The following BTRC variants were observed in gnomAD, a reference collection of about 807,000 sequenced individuals.
The protein encoded by BTRC is beta-transducin repeat containing E3 ubiquitin protein ligase, also known as F-box/WD repeat-containing protein 1A.
Under a neutral mutation model 85.5 loss-of-function variants are expected in BTRC, and 42 were observed. The observed-to-expected ratio is 0.49, with a 90% CI of 0.38 to 0.64. The LOEUF (loss-of-function observed/expected upper bound fraction) is 0.64. BTRC is among the 30% of genes least tolerant of loss of function. BTRC has a pLI of 0.00. For missense variants in BTRC, 594 were observed against 743.5 expected, an observed-to-expected ratio of 0.80 and a Z score of 2.34; for synonymous variants, 255 against 263.3, an observed-to-expected ratio of 0.97 and a Z score of 0.30.
At chr10:101,510,240 G>A (rs186246624) in intron 4 of BTRC, among the ~76,000 whole-genome samples, 5 of 152,188 alleles carry the variant, frequency 3.3e-5, no homozygotes, top group Non-Finnish European at 7.3e-5. Context: ...CGGGTGCAGT[G>A]GCTCACGCCT....
intron 1 of BTRC, among the ~76,000 whole-genome samples, chr10:101,417,249 G>T (rs534361315): frequency 6.6e-6 from 1 of 152,200 alleles, no homozygotes; most frequent in South Asian, 2.1e-4. Flanking sequence ...TCTAGTTCAG[G>T]ATCACATGAT....
chr10:101,424,837 G>A (rs1315085412), intron 1 of BTRC, among the ~76,000 whole-genome samples: 1 of 152,152 alleles, frequency 6.6e-6, no homozygotes, highest in Non-Finnish European at 1.5e-5. Flanking sequence ...TGGGGTATAT[G>A]TGCAGGTTTG....
intron 1 of BTRC, among the ~76,000 whole-genome samples, chr10:101,428,983 A>G (rs972842279): frequency 6.6e-6 from 1 of 152,146 alleles, no homozygotes; most frequent in African/African-American, 2.4e-5. Context: ...CCATTTATCA[A>G]TTTTAGATGG....
intron 13 of BTRC, among the ~76,000 whole-genome samples, chr10:101,541,731 A>C (rs1021688278): frequency 6.6e-6 from 1 of 152,178 alleles, no homozygotes; most frequent in African/African-American, 2.4e-5. Flanking sequence ...GGTATATTAC[A>C]TTGAATTTTT....
At chr10:101,475,561 A>C (rs1034144060) in intron 3 of BTRC, among the ~76,000 whole-genome samples, 5 of 151,910 alleles carry the variant, frequency 3.3e-5, no homozygotes, top group Non-Finnish European at 5.9e-5. Flanking sequence ...AAAAACAAAA[A>C]CAGAACTGAC....
chr10:101,357,175 GC>G (rs1190466490), intron 1 of BTRC, among the ~76,000 whole-genome samples: 1 of 151,006 alleles, frequency 6.6e-6, no homozygotes, highest in Admixed American at 6.6e-5. Flanking sequence ...AGGCGTGGTG[GC>G]TCATGCCTGT....
intron 1 of BTRC, among the ~76,000 whole-genome samples, chr10:101,377,322 G>C (rs1942816598): frequency 6.6e-6 from 1 of 152,170 alleles, no homozygotes; most frequent in South Asian, 2.1e-4. Flanking sequence ...GTTGTTTCTG[G>C]TTTTGGTGAT....
intron 13 of BTRC, among the ~76,000 whole-genome samples, chr10:101,540,719 A>G (rs1432742463): frequency 2.0e-5 from 3 of 152,012 alleles, no homozygotes; most frequent in African/African-American, 7.2e-5. Flanking sequence ...CTGGTCTCAA[A>G]CTCCTGGCCT....
chr10:101,550,551 G>C, intron 13 of BTRC, 148 bp from the exon 14 acceptor site: 1 of 700,284 alleles, frequency 1.4e-6, no homozygotes, highest in South Asian at 2.1e-5. Flanking sequence ...CAAAGTGCTG[G>C]GATTACAGGT....
chr10:101,552,325 GCA>G (rs1253795249), intron 14 of BTRC, among the ~76,000 whole-genome samples: 1 of 150,146 alleles, frequency 6.7e-6, no homozygotes, highest in African/African-American at 2.4e-5. Flanking sequence ...AGTACCGCGG[GCA>G]CACAACACCA....
chr10:101,518,256 G>A (rs886502421), intron 4 of BTRC, among the ~76,000 whole-genome samples: 2 of 152,268 alleles, frequency 1.3e-5, no homozygotes, highest in East Asian at 3.9e-4. Flanking sequence ...GTCCCATATA[G>A]TTTTAAAGGA....
intron 13 of BTRC, among the ~76,000 whole-genome samples, chr10:101,548,911 G>T (rs947684530): frequency 6.7e-6 from 1 of 150,060 alleles, no homozygotes; most frequent in Non-Finnish European, 1.5e-5. Context: ...AAATTAGCTG[G>T]GTGTGGTGGC....
At chr10:101,404,263 C>T (rs1389359669) in intron 1 of BTRC, among the ~76,000 whole-genome samples, 1 of 150,140 alleles carries the variant, frequency 6.7e-6, no homozygotes, top group Non-Finnish European at 1.5e-5. Context: ...ATCTCCTGAC[C>T]TTATGATCCG....
At chr10:101,427,018 T>C (rs1944268996) in intron 1 of BTRC, among the ~76,000 whole-genome samples, 1 of 151,734 alleles carries the variant, frequency 6.6e-6, no homozygotes, top group African/African-American at 2.4e-5. Flanking sequence ...AGATTCAATC[T>C]TTCCTTCCGA....
At chr10:101,473,294 G>T (rs1456389965) in intron 3 of BTRC, among the ~76,000 whole-genome samples, 5 of 144,740 alleles carry the variant, frequency 3.5e-5, no homozygotes, top group Non-Finnish European at 6.1e-5. Context: ...TAAATTTTTT[G>T]ATTTTTTTGA....
At chr10:101,481,282 G>A (rs904947988) in intron 4 of BTRC, among the ~76,000 whole-genome samples, 23 of 152,118 alleles carry the variant, frequency 1.5e-4, no homozygotes, top group Admixed American at 1.5e-3. Flanking sequence ...CATGGAAACA[G>A]GGATACACAG....
At chr10:101,526,387 C>T (rs1428110000) in intron 6 of BTRC, among the ~76,000 whole-genome samples, 188 bp downstream of exon 6, 1 of 152,182 alleles carries the variant, frequency 6.6e-6, no homozygotes, top group Non-Finnish European at 1.5e-5. Flanking sequence ...ACCTGTCACT[C>T]ACAAAATGAC....
chr10:101,444,398 G>GAGTC (rs1944769538), intron 2 of BTRC, among the ~76,000 whole-genome samples: 1 of 152,162 alleles, frequency 6.6e-6, no homozygotes, highest in Admixed American at 6.5e-5. Context: ...TGCATACAAG[G>GAGTC]TATAAAGTGC....
rs182511440 is a variant in BTRC, at chr10:101,403,669, C to T, written c.49-26676C>T. 2.1e-3 allele frequency among the ~76,000 whole-genome samples: 319 copies of T among 152,226 alleles called. 3 individuals are homozygous for T. Among genetic ancestry groups the T allele is most frequent in the African/African-American group, 7.2e-3 (297 of 41,532 alleles). ...GCAGTAGCATGATCATGGCTCACTG[C>T]AGCCTCGACCTCTCAGGCTCAAGAG... is the stretch of plus-strand genomic sequence containing the variant. On this transcript the variant is annotated intron_variant, in intron 1 of 14. Transcript: ENST00000370187.
Sources: gnomAD v4.1 joint callset for allele counts (sites outside exome capture counted in the v4.1 genomes callset) on GRCh38, gnomAD v4.1.1 for gene constraint, MANE v1.5 for transcripts, NCBI Gene and HGNC (gene_info 2026-07-23, HGNC 2026-07-21) for gene names.